C22orf39: variants seen among roughly 807,000 people sequenced by gnomAD.
C22orf39 encodes synaptic plasticity regulator PANTS.
In C22orf39, 20 loss-of-function variants were observed where a neutral mutation model predicts 18.3. That is an observed-to-expected ratio of 1.09 (90% CI 0.77 to 1.59). The LOEUF (loss-of-function observed/expected upper bound fraction) is 1.59, where lower values mean the gene tolerates loss of function less well. C22orf39 is among the 40% of genes most tolerant of loss of function. The pLI, the probability that C22orf39 is intolerant of heterozygous loss-of-function variation, is 0.00. For missense variants in C22orf39, 195 were observed against 156.1 expected (o/e 1.25, Z -1.33); for synonymous variants, 63 against 59.6 (o/e 1.06, Z -0.26).
chr22:19,443,036 GCTC>G lies in C22orf39; in HGVS notation c.*1226_*1228del. Reference sequence around the variant, plus strand: ...CTCCCCTGATGATGGGGGAACGCTGGCTCCTCTTTAGATGCTCCTGCTCTTGGG... The same window carrying G: ...CTCCCCTGATGATGGGGGAACGCTGGCTCTTTAGATGCTCCTGCTCTTGGG... On this transcript the variant is annotated 3_prime_UTR_variant, in exon 3 of 3. Transcript: ENST00000399562. The G allele has an allele frequency of 1.4e-6, 1 of 717,604 alleles. No homozygotes were observed. Among genetic ancestry groups the G allele is most frequent in the African/African-American group, 1.9e-5 (1 of 51,536 alleles). 44.5% of individuals were successfully genotyped at this position (717,604 alleles called of 1,614,324 possible). A position where few individuals can be genotyped will look rare whatever the true frequency, so the allele number is the denominator to read the frequency against.
Position 19,447,667 on chromosome 22 carries a change from G to C in C22orf39, c.22C>G (p.Gln8Glu). 6.2e-7 allele frequency: 1 copy of C among 1,610,624 alleles called. No individual in the cohort carries two copies. Among genetic ancestry groups the C allele is most frequent in the Non-Finnish European group, 8.5e-7 (1 of 1,178,886 alleles). Residue 8 changes from glutamine to glutamate, a missense_variant and splice_region_variant, in exon 1 of 3, where the codon CAG (glutamine) becomes GAG (glutamate). Gln to Glu is a conservative substitution (Grantham distance 29). Transcript: ENST00000399562. ...CGGCTCCGACCCAGCACACTCACCT[G>C]CCAGCCGCTGCCGTCCGCCATGTCT... is the stretch of plus-strand genomic sequence containing the variant. MADGSGW[Q>E]PPRPCEAYRA...
At position 19,447,699 on chromosome 22, in the gene C22orf39, CCGG is replaced by C; in HGVS notation, c.-14_-12del. ...GCTGCCGTCCGCCATGTCTGGGCGA[CCGG>C]CGCGCCAAGCCCGCCCCTCAGTCCG... On this transcript the variant is annotated 5_prime_UTR_variant, in exon 1 of 3. Coordinates refer to ENST00000399562, the MANE Select transcript of C22orf39 (RefSeq NM_173793.5). 6.2e-7 allele frequency: 1 copy of C among 1,608,304 alleles called. No individual in the cohort carries two copies. The highest frequency in any genetic ancestry group is 8.5e-7 in the Non-Finnish European group (1 of 1,177,974).
chr22:19,444,029 C>A lies in C22orf39; in HGVS notation c.*236G>T. The A allele has an allele frequency of 1.6e-6, 2 of 1,262,492 alleles. No individual in the cohort carries two copies. The highest frequency in any genetic ancestry group is 2.0e-6 in the Non-Finnish European group (2 of 1,006,262). The allele number at this position is 1,262,492 out of a possible 1,614,324, so 78.2% of individuals were successfully genotyped here. ...ACAAGTACCTGCCATAATGCTTGGC[C>A]TCCTGGAAGCTCTAAAGCGGTGCAA... On this transcript the variant is annotated 3_prime_UTR_variant, in exon 3 of 3. Transcript: ENST00000399562.
chr22:19,444,300 A>C lies in C22orf39; in HGVS notation c.283T>G (p.Trp95Gly). 2 of 1,600,572 alleles carry C rather than the reference A, an allele frequency of 1.2e-6. No individual in the cohort carries two copies. The highest frequency in any genetic ancestry group is 8.5e-7 in the Non-Finnish European group (1 of 1,175,144). Reference protein sequence around the residue: ...WAPRQSPPPDWHLPLPQEKDE With the variant: ...WAPRQSPPPDGHLPLPQEKDE ...TTCTCCTGTGGCAGAGGGAGATGCC[A>C]GTCTGGAGGGGGGCTCTGCCTCGGG... Residue 95 changes from tryptophan (W) to glycine (G), a missense_variant, in exon 3 of 3, where the codon TGG (tryptophan) becomes GGG (glycine). By Grantham distance (184) the Trp-to-Gly change is radical. Transcript: ENST00000399562.
Position 19,441,802 on chromosome 22 carries a change from ATTTAT to A in C22orf39, c.*2458_*2462del. 3.6e-6 allele frequency: 5 copies of A among 1,401,268 alleles called. No individual in the cohort carries two copies. Among genetic ancestry groups the A allele is most frequent in the Non-Finnish European group, 4.8e-6 (5 of 1,052,572 alleles). The allele number at this position is 1,401,268 out of a possible 1,614,324, so 86.8% of individuals were successfully genotyped here. A position where few individuals can be genotyped will look rare whatever the true frequency, so the allele number is the denominator to read the frequency against. ...CAGAAATTACCACCATTTTATTTTT[ATTTAT>A]TTTGAGACAGGATATTGCTCTGTCA... On this transcript the variant is annotated 3_prime_UTR_variant, in exon 3 of 3. Coordinates refer to ENST00000399562, the MANE Select transcript of C22orf39 (RefSeq NM_173793.5).
At chr22:19,447,236 T>G (rs949394744) in intron 2 of C22orf39, 142 bp downstream of exon 2, 1 of 912,614 alleles carries the variant, frequency 1.1e-6, no homozygotes, top group African/African-American at 1.8e-5. Flanking sequence ...ATTTACACAA[T>G]CTCTCAAAAG....
Position 19,443,354 on chromosome 22 carries a change from C to T in C22orf39, c.*911G>A, listed in dbSNP as rs952363702. 3.0e-6 allele frequency: 3 copies of T among 985,442 alleles called. No individual in the cohort carries two copies. Among genetic ancestry groups the T allele is most frequent in the African/African-American group, 3.5e-5 (2 of 57,230 alleles). The allele number at this position is 985,442 out of a possible 1,614,324, so 61.0% of individuals were successfully genotyped here. ...ACCATTCTATTAGTAATAAACAGAC[C>T]TCTTCAAGAAATAGTGTTTTTGGTG... is the stretch of plus-strand genomic sequence containing the variant. On this transcript the variant is annotated 3_prime_UTR_variant, in exon 3 of 3. Transcript: ENST00000399562.
Position 19,447,552 on chromosome 22 carries a change from C to A in C22orf39, c.25-7G>T. On this transcript the variant is annotated splice_polypyrimidine_tract_variant and splice_region_variant and intron_variant, in intron 1 of 2. Transcript: ENST00000399562. Reference sequence around the variant, plus strand: ...CCTCGCAGGGGCGCGGCGGCTGCGGCGAGAGGCGGCGCCTGAGCGGGGCCC... The same window carrying A: ...CCTCGCAGGGGCGCGGCGGCTGCGGAGAGAGGCGGCGCCTGAGCGGGGCCC... 1 of 1,418,232 alleles carries A rather than the reference C, an allele frequency of 7.1e-7. No individual in the cohort carries two copies. The highest frequency in any genetic ancestry group is 9.2e-7 in the Non-Finnish European group (1 of 1,091,594). The allele number at this position is 1,418,232 out of a possible 1,614,324, so 87.9% of individuals were successfully genotyped here. A position where few individuals can be genotyped will look rare whatever the true frequency, so the allele number is the denominator to read the frequency against.
In C22orf39 at chr22:19,447,444, G is replaced by A. The variant is rs1177568460; in HGVS notation, c.126C>T (p.Cys42=). The change falls in exon 2 of 3, where the codon TGC becomes TGT. Residue 42 remains cysteine, a synonymous_variant. Coordinates refer to ENST00000399562, the MANE Select transcript of C22orf39 (RefSeq NM_173793.5). ...TGGCCAGGTCGCGCTGCCACTGTTC[G>A]CAGGCCGGCCGCTCGCCGTGGACGT... ...HYYVHGERPA[C]EQWQRDLASC... 1 of 1,512,530 alleles carries A rather than the reference G, an allele frequency of 6.6e-7. No homozygotes were observed. Among genetic ancestry groups the A allele is most frequent in the Non-Finnish European group, 8.8e-7 (1 of 1,138,832 alleles). The allele number at this position is 1,512,530 out of a possible 1,614,324, so 93.7% of individuals were successfully genotyped here.
In C22orf39 at chr22:19,447,674, G is replaced by A. The variant is rs755480785; in HGVS notation, c.15C>T (p.Ser5=). 5.0e-6 allele frequency: 8 copies of A among 1,610,668 alleles called. No homozygotes were observed. Among genetic ancestry groups the A allele is most frequent in the Non-Finnish European group, 6.8e-6 (8 of 1,178,840 alleles). The change falls in exon 1 of 3, where the codon AGC becomes AGT. Residue 5 remains serine (S), a synonymous_variant. Coordinates refer to ENST00000399562, the MANE Select transcript of C22orf39 (RefSeq NM_173793.5). ...GACCCAGCACACTCACCTGCCAGCC[G>A]CTGCCGTCCGCCATGTCTGGGCGAC... MADG[S]GWQPPRPCEA...
chr22:19,443,785 A>C lies in C22orf39; in HGVS notation c.*480T>G. On this transcript the variant is annotated 3_prime_UTR_variant, in exon 3 of 3. Transcript: ENST00000399562. ...TGCAGTGGAACTGAGCGAGTGGAGC[A>C]GAGTGTGAGCACTCACAATGCTCAC... 1 of 985,070 alleles carries C rather than the reference A, an allele frequency of 1.0e-6. No homozygotes were observed. Among genetic ancestry groups the C allele is most frequent in the Non-Finnish European group, 1.2e-6 (1 of 830,014 alleles). 61.0% of individuals were successfully genotyped at this position (985,070 alleles called of 1,614,324 possible). A position where few individuals can be genotyped will look rare whatever the true frequency, so the allele number is the denominator to read the frequency against.
chr22:19,447,356 GC>G, intron 2 of C22orf39, 21 bp downstream of exon 2: 1 of 1,464,144 alleles, frequency 6.8e-7, no homozygotes, highest in South Asian at 1.3e-5. Flanking sequence ...CCGAAGCGCC[GC>G]CCCGCTCCCT....
Position 19,441,952 on chromosome 22 carries a change from G to T in C22orf39, c.*2313C>A. 2.7e-6 allele frequency: 1 copy of T among 365,038 alleles called. No homozygotes were observed. Among genetic ancestry groups the T allele is most frequent in the Non-Finnish European group, 4.9e-6 (1 of 202,184 alleles). 22.6% of individuals were successfully genotyped at this position (365,038 alleles called of 1,614,324 possible). Reference sequence around the variant, plus strand: ...TGGAACTACAAATGCACGCCACCATGCATAGCTCATTTATTTTTTGTAGAG... The same window carrying T: ...TGGAACTACAAATGCACGCCACCATTCATAGCTCATTTATTTTTTGTAGAG... On this transcript the variant is annotated 3_prime_UTR_variant, in exon 3 of 3. Transcript: ENST00000399562.
intron 2 of C22orf39, among the ~76,000 whole-genome samples, chr22:19,446,115 C>G (rs961158219): frequency 5.3e-5 from 8 of 152,226 alleles, no homozygotes; most frequent in African/African-American, 1.9e-4. Flanking sequence ...CCATGCCCAG[C>G]TGGCTTTCTT....
In C22orf39 at chr22:19,441,859, A is replaced by G. The variant is rs2089614762; in HGVS notation, c.*2406T>C. 9.6e-6 allele frequency: 8 copies of G among 829,750 alleles called. No individual in the cohort carries two copies. Among genetic ancestry groups the G allele is most frequent in the East Asian group, 5.9e-5 (2 of 34,112 alleles). The allele number at this position is 829,750 out of a possible 1,614,324, so 51.4% of individuals were successfully genotyped here. A position where few individuals can be genotyped will look rare whatever the true frequency, so the allele number is the denominator to read the frequency against. Reference sequence around the variant, plus strand: ...CCAGGTTGAAGTGCAGTGGGGCACAATCATGGCTCACTGCAGCCTCAAACT... The same window carrying G: ...CCAGGTTGAAGTGCAGTGGGGCACAGTCATGGCTCACTGCAGCCTCAAACT... On this transcript the variant is annotated 3_prime_UTR_variant, in exon 3 of 3. Transcript: ENST00000399562.
Position 19,443,974 on chromosome 22 carries a change from G to A in C22orf39, c.*291C>T. On this transcript the variant is annotated 3_prime_UTR_variant, in exon 3 of 3. Transcript: ENST00000399562. Reference sequence around the variant, plus strand: ...AGACCTCAGGACCGCCATCTCCTATGCTACCATGCCCAGCCTGACCTGGCT... The same window carrying A: ...AGACCTCAGGACCGCCATCTCCTATACTACCATGCCCAGCCTGACCTGGCT... The A allele has an allele frequency of 8.7e-7, 1 of 1,153,406 alleles. No homozygotes were observed. Among genetic ancestry groups the A allele is most frequent in the Non-Finnish European group, 1.1e-6 (1 of 937,754 alleles). The allele number at this position is 1,153,406 out of a possible 1,614,324, so 71.4% of individuals were successfully genotyped here. A position where few individuals can be genotyped will look rare whatever the true frequency, so the allele number is the denominator to read the frequency against.
Position 19,443,309 on chromosome 22 carries a change from GGGC to G in C22orf39, c.*953_*955del. 1.0e-6 allele frequency: 1 copy of G among 985,468 alleles called. No homozygotes were observed. Among genetic ancestry groups the G allele is most frequent in the Non-Finnish European group, 1.2e-6 (1 of 829,944 alleles). The allele number at this position is 985,468 out of a possible 1,614,324, so 61.0% of individuals were successfully genotyped here. The stretch of plus-strand genomic sequence containing the variant: ...GCCTAGCCCTCAGCATCACACAACA[GGGC>G]CACCATAGGATGAGAAACCATTCTA... On this transcript the variant is annotated 3_prime_UTR_variant, in exon 3 of 3. Coordinates refer to ENST00000399562, the MANE Select transcript of C22orf39 (RefSeq NM_173793.5).
intron 2 of C22orf39, 114 bp downstream of exon 2, chr22:19,447,264 G>T: frequency 8.9e-7 from 1 of 1,127,180 alleles, no homozygotes; most frequent in Non-Finnish European, 1.2e-6. Flanking sequence ...GCGTGAGGAG[G>T]ATAGGGACCC....
At position 19,447,452 on chromosome 22, in the gene C22orf39, G is replaced by A; in HGVS notation, c.118C>T (p.Pro40Ser). Residue 40 changes from proline (P) to serine (S), a missense_variant, in exon 2 of 3, where the codon CCG becomes TCG. Transcript: ENST00000399562. ...TCGCGCTGCCACTGTTCGCAGGCCG[G>A]CCGCTCGCCGTGGACGTAGTAGTGG... ...LHHYYVHGER[P>S]ACEQWQRDLA... 1.3e-6 allele frequency: 2 copies of A among 1,513,846 alleles called. No individual in the cohort carries two copies. Among genetic ancestry groups the A allele is most frequent in the Non-Finnish European group, 1.8e-6 (2 of 1,139,574 alleles). 93.8% of individuals were successfully genotyped at this position (1,513,846 alleles called of 1,614,324 possible). A position where few individuals can be genotyped will look rare whatever the true frequency, so the allele number is the denominator to read the frequency against.
Sources: allele counts gnomAD v4.1 joint callset (sites outside exome capture counted in the v4.1 genomes callset), GRCh38; gene constraint gnomAD v4.1.1; transcripts MANE v1.5; gene names NCBI Gene and HGNC (gene_info 2026-07-23, HGNC 2026-07-21).